Variants in TIMM9 observed in about 807,000 individuals in gnomAD.
TIMM9 encodes the protein mitochondrial import inner membrane translocase subunit Tim9.
TIMM9 carries 10 observed loss-of-function variants against 13.4 expected under a neutral mutation model. That is an observed-to-expected ratio of 0.75 (90% CI 0.46 to 1.26). The LOEUF is 1.26. Among genes scored for constraint, TIMM9 ranks in the 50% most tolerant of loss-of-function variants. TIMM9 has a pLI of 0.00. For missense variants in TIMM9, 87 were observed against 100.8 expected, an observed-to-expected ratio of 0.86 and a Z score of 0.58; for synonymous variants, 32 against 32.1, an observed-to-expected ratio of 1.00 and a Z score of 0.01.
Position 58,411,925 on chromosome 14 carries a change from T to A in TIMM9, c.21A>T (p.Glu7Asp), listed in dbSNP as rs199885870. The change falls in exon 4 of 6, where the codon GAA becomes GAT. Residue 7 changes from glutamate to aspartate, a missense_variant. By Grantham distance (45) the Glu-to-Asp change is conservative. Coordinates refer to ENST00000395159, the MANE Select transcript of TIMM9 (RefSeq NM_012460.4). ...ACCTTACCTGTTTTATCTGATCAGA[T>A]TCTGGTATTTGTGCAGCCATATTCT... MAAQIP[E>D]SDQIKQFKEF... The A allele has an allele frequency of 6.2e-7, 1 of 1,613,658 alleles. No homozygotes were observed. Among genetic ancestry groups the A allele is most frequent in the Non-Finnish European group, 8.5e-7 (1 of 1,179,612 alleles).
Position 58,410,941 on chromosome 14 carries a change from A to G in TIMM9, c.40-3T>C. The G allele has an allele frequency of 6.2e-7, 1 of 1,601,844 alleles. No homozygotes were observed. The highest frequency in any genetic ancestry group is 8.5e-7 in the Non-Finnish European group (1 of 1,173,088). The stretch of plus-strand genomic sequence containing the variant: ...TAGGTCCCCAGAAATTCCTTAAACT[A>G]CAAACAAACCAGAATGTTCTTTAGT... On this transcript the variant is annotated splice_polypyrimidine_tract_variant and splice_region_variant and intron_variant, in intron 4 of 5. Coordinates refer to ENST00000395159, the MANE Select transcript of TIMM9 (RefSeq NM_012460.4).
chr14:58,412,712 C>T (rs1254530200), intron 3 of TIMM9, among the ~76,000 whole-genome samples: 1 of 151,994 alleles, frequency 6.6e-6, no homozygotes, highest in Non-Finnish European at 1.5e-5. Flanking sequence ...ACCAGCCTGG[C>T]CAACATAGTG....
intron 2 of TIMM9, among the ~76,000 whole-genome samples, chr14:58,426,073 C>T (rs1301359117): frequency 6.6e-6 from 1 of 151,556 alleles, no homozygotes; most frequent in African/African-American, 2.4e-5. Flanking sequence ...GCCAAGATCG[C>T]GCCACTGCAC....
At position 58,413,931 on chromosome 14, in the gene TIMM9, C is replaced by T. The variant is rs951857794; in HGVS notation, c.-26-1960G>A. Among the ~76,000 whole-genome samples, 12 of 123,426 alleles carry T rather than the reference C, an allele frequency of 9.7e-5. No individual in the cohort carries two copies. In the East Asian group the frequency reaches 1.1e-3, roughly 12 times the overall value. 81.0% of individuals were successfully genotyped at this position (123,426 alleles called of 152,430 possible). A position where few individuals can be genotyped will look rare whatever the true frequency, so the allele number is the denominator to read the frequency against. ...CTGAGGCAGAAGAATGGCGTGAACC[C>T]GGGAGGTGGAGCTTGCAGTGAGCCG... On this transcript the variant is annotated intron_variant, in intron 3 of 5. Coordinates refer to ENST00000395159, the MANE Select transcript of TIMM9 (RefSeq NM_012460.4).
chr14:58,409,094 A>G lies in TIMM9; in HGVS notation c.210T>C (p.Tyr70=). 1 of 1,614,042 alleles carries G rather than the reference A, an allele frequency of 6.2e-7. No homozygotes were observed. Among genetic ancestry groups the G allele is most frequent in the Non-Finnish European group, 8.5e-7 (1 of 1,179,980 alleles). ...CCAGGGCTTCATTCTGCTGAATATGATATTCCTGAAATCTCATGGATATTC... is the reference window on the plus strand; with the variant it reads ...CCAGGGCTTCATTCTGCTGAATATGGTATTCCTGAAATCTCATGGATATTC... ...TQRISMRFQE[Y]HIQQNEALAA... Residue 70 remains tyrosine, a synonymous_variant, in exon 6 of 6, where the codon TAT becomes TAC. Transcript: ENST00000395159.
chr14:58,417,732 A>G (rs1169301246), intron 3 of TIMM9, among the ~76,000 whole-genome samples: 2 of 152,080 alleles, frequency 1.3e-5, no homozygotes, highest in African/African-American at 2.4e-5. Flanking sequence ...CTAAAAAAGA[A>G]GAGCAAAATG....
rs191963310 is a variant in TIMM9 at position 58,419,754 on chromosome 14, C to T, written c.-27+4254G>A. On this transcript the variant is annotated intron_variant, in intron 3 of 5. Coordinates refer to ENST00000395159, the MANE Select transcript of TIMM9 (RefSeq NM_012460.4). ...ACCCCGTCTTTACCAAAAATACACA[C>T]ACAAAAAAAATTTTAGCTGGGCATG... 3.8e-3 allele frequency among the ~76,000 whole-genome samples: 572 copies of T among 150,890 alleles called. 6 individuals are homozygous for T. The highest frequency in any genetic ancestry group is 0.014 in the African/African-American group (556 of 41,102).
intron 3 of TIMM9, among the ~76,000 whole-genome samples, chr14:58,420,309 A>C (rs559953384): frequency 2.0e-5 from 3 of 152,334 alleles, no homozygotes; most frequent in African/African-American, 7.2e-5. Context: ...CAAACTACAT[A>C]ACTGACAAAG....
At position 58,424,877 on chromosome 14, in the gene TIMM9, C is replaced by T. The variant is rs180740667; in HGVS notation, c.-114-782G>A. Among the ~76,000 whole-genome samples, 5 of 152,016 alleles carry T rather than the reference C, an allele frequency of 3.3e-5. No individual in the cohort carries two copies. The East Asian group carries it at 7.7e-4, about 24-fold the overall frequency. ...AAGAGACCCTGTCTCAAAGAAAAAA[C>T]GTATAAGCTAAGTCATAAAACCTAG... On this transcript the variant is annotated intron_variant, in intron 2 of 5. Transcript: ENST00000395159.
chr14:58,421,609 A>G (rs1176291495), intron 3 of TIMM9, among the ~76,000 whole-genome samples: 1 of 152,198 alleles, frequency 6.6e-6, no homozygotes, highest in Non-Finnish European at 1.5e-5. Context: ...ATGTTATTGT[A>G]TAACTTTCTG....
At chr14:58,412,150 CT>C (rs538195126) in intron 3 of TIMM9, 179 bp from the exon 4 acceptor site, 11,702 of 396,942 alleles carry the variant, frequency 0.029, no homozygotes, top group South Asian at 0.051. Flanking sequence ...ATTAGATTTT[CT>C]TTTTTTTTTT....
intron 2 of TIMM9, among the ~76,000 whole-genome samples, chr14:58,425,885 G>A (rs1321384888): frequency 2.6e-5 from 4 of 152,108 alleles, no homozygotes; most frequent in Non-Finnish European, 5.9e-5. Context: ...TTGGTAGGCC[G>A]AGGCGGGTGA....
At chr14:58,414,455 A>G (rs2036328111) in intron 3 of TIMM9, among the ~76,000 whole-genome samples, 1 of 152,042 alleles carries the variant, frequency 6.6e-6, no homozygotes, top group East Asian at 1.9e-4. Flanking sequence ...CACAATAACT[A>G]GGCTGGGCAC....
chr14:58,414,847 G>A (rs749637904), intron 3 of TIMM9, among the ~76,000 whole-genome samples: 31 of 152,056 alleles, frequency 2.0e-4, no homozygotes, highest in Admixed American at 5.2e-4. Flanking sequence ...ACTCCCCAGC[G>A]AGTGTCAGTG....
intron 4 of TIMM9, 61 bp downstream of exon 4, chr14:58,411,846 G>T: frequency 6.7e-7 from 1 of 1,481,984 alleles, no homozygotes; most frequent in South Asian, 1.1e-5. Flanking sequence ...CTGACATGGT[G>T]GCATTAGTAG....
chr14:58,411,589 G>A (rs1188670343), intron 4 of TIMM9, among the ~76,000 whole-genome samples: 1 of 151,906 alleles, frequency 6.6e-6, no homozygotes, highest in African/African-American at 2.4e-5. Flanking sequence ...ACCCAGGCTG[G>A]AGTGCAATGC....
chr14:58,409,068 G>C lies in TIMM9; in HGVS notation c.236C>G (p.Ala79Gly), dbSNP rs778415722. 9 of 1,613,812 alleles carry C rather than the reference G, an allele frequency of 5.6e-6. No individual in the cohort carries two copies. The Admixed American group carries it at 1.5e-4, about 27-fold the overall frequency. Reference sequence around the variant, plus strand: ...TTGGCCAAGGAGTCCTGCTTTGGCTGCCAGGGCTTCATTCTGCTGAATATG... The same window carrying C: ...TTGGCCAAGGAGTCCTGCTTTGGCTCCCAGGGCTTCATTCTGCTGAATATG... ...EYHIQQNEAL[A>G]AKAGLLGQPR Residue 79 changes from alanine to glycine, a missense_variant, in exon 6 of 6, where the codon GCA becomes GGA. Physicochemically the swap from Ala to Gly is moderately conservative, Grantham distance 60. Transcript: ENST00000395159.
chr14:58,415,184 C>A (rs377607079), intron 3 of TIMM9, among the ~76,000 whole-genome samples: 1 of 152,162 alleles, frequency 6.6e-6, no homozygotes, highest in African/African-American at 2.4e-5. Flanking sequence ...TCTACTTCCA[C>A]CTGGCAGTAA....
intron 3 of TIMM9, among the ~76,000 whole-genome samples, chr14:58,417,371 T>TG (rs2036445873): frequency 6.6e-6 from 1 of 150,986 alleles, no homozygotes; most frequent in Non-Finnish European, 1.5e-5. Context: ...CTGGGCATGG[T>TG]GGCATGTCCT....
Sources: allele counts gnomAD v4.1 joint callset (sites outside exome capture counted in the v4.1 genomes callset), GRCh38; gene constraint gnomAD v4.1.1; transcripts MANE v1.5; gene names NCBI Gene and HGNC (gene_info 2026-07-23, HGNC 2026-07-21).